Variants in EPHA3 observed in about 807,000 individuals in gnomAD.
The protein encoded by EPHA3 is EPH receptor A3, also known as ephrin type-A receptor 3.
EPHA3 carries 42 observed loss-of-function variants against 107.1 expected under a neutral mutation model. The ratio of observed to expected loss-of-function variants is 0.39; its 90% confidence interval spans 0.31 to 0.51. The LOEUF (loss-of-function observed/expected upper bound fraction) is 0.51, where lower values mean the gene tolerates loss of function less well. Among genes scored for constraint, EPHA3 ranks in the 20% least tolerant of loss-of-function variants. EPHA3 has a pLI of 0.78. For missense variants in EPHA3, 1,183 were observed against 1,211.2 expected (o/e 0.98, Z 0.35); for synonymous variants, 461 against 424.8 (o/e 1.09, Z -1.05).
chr3:89,359,821 AC>A, intron 5 of EPHA3, among the ~76,000 whole-genome samples: 1 of 143,956 alleles, frequency 6.9e-6, no homozygotes, highest in East Asian at 2.0e-4. Context: ...ACATATATAT[AC>A]ATATATATAT....
At chr3:89,162,538 TCTC>T in intron 2 of EPHA3, among the ~76,000 whole-genome samples, 1 of 152,146 alleles carries the variant, frequency 6.6e-6, no homozygotes, top group East Asian at 1.9e-4. Flanking sequence ...CCTCTCTCCT[TCTC>T]CTCAATTGTA....
Position 89,480,087 on chromosome 3 carries a change from C to G in EPHA3, c.*585C>G, listed in dbSNP as rs1710594584. ...CTACACATTTTTAAATTGTTAGCTTCCTTAAGTATATCATGTAAAGAAATG... is the reference window on the plus strand; with the variant it reads ...CTACACATTTTTAAATTGTTAGCTTGCTTAAGTATATCATGTAAAGAAATG... On this transcript the variant is annotated 3_prime_UTR_variant, in exon 17 of 17. Coordinates refer to ENST00000336596, the MANE Select transcript of EPHA3 (RefSeq NM_005233.6). 1.3e-5 allele frequency: 3 copies of G among 232,632 alleles called. No individual in the cohort carries two copies. In the South Asian group the frequency reaches 5.4e-4, roughly 42 times the overall value. 14.4% of individuals were successfully genotyped at this position (232,632 alleles called of 1,614,324 possible).
In EPHA3 at chr3:89,364,436, G is replaced by C. The variant is rs1171448186; in HGVS notation, c.1306+22346G>C. On this transcript the variant is annotated intron_variant, in intron 5 of 16. Transcript: ENST00000336596. ...TTAAATCACTCTACAGATGAATCTG[G>C]TCAACAAGCACTTGGGAAGTTCTTA... Among the ~76,000 whole-genome samples, 4 of 150,970 alleles carry C rather than the reference G, an allele frequency of 2.6e-5. 1 individual carries two copies. The highest frequency in any genetic ancestry group is 4.5e-5 in the Non-Finnish European group (3 of 67,382).
At chr3:89,171,597 T>A (rs971841776) in intron 2 of EPHA3, among the ~76,000 whole-genome samples, 1 of 152,176 alleles carries the variant, frequency 6.6e-6, no homozygotes, top group African/African-American at 2.4e-5. Flanking sequence ...AAACAGCATC[T>A]ATAACTTATT....
At chr3:89,121,388 C>T (rs1423370580) in intron 1 of EPHA3, among the ~76,000 whole-genome samples, 1 of 152,118 alleles carries the variant, frequency 6.6e-6, no homozygotes, top group Non-Finnish European at 1.5e-5. Flanking sequence ...ACACAATTGA[C>T]ACATAATAGT....
At chr3:89,277,674 C>T (rs1705841805) in intron 3 of EPHA3, among the ~76,000 whole-genome samples, 1 of 151,940 alleles carries the variant, frequency 6.6e-6, no homozygotes, top group South Asian at 2.1e-4. Flanking sequence ...AAAAATGATC[C>T]CAGTATATTA....
intron 2 of EPHA3, among the ~76,000 whole-genome samples, chr3:89,170,752 C>A (rs140915145): frequency 1.3e-5 from 2 of 151,884 alleles, no homozygotes; most frequent in African/African-American, 4.8e-5. Flanking sequence ...ATTTTGAGAC[C>A]CTTGAGTGAA....
chr3:89,328,986 C>T (rs1377180189), intron 3 of EPHA3, among the ~76,000 whole-genome samples: 1 of 152,114 alleles, frequency 6.6e-6, no homozygotes, highest in African/African-American at 2.4e-5. Context: ...GTAACAATCT[C>T]AGGGAACTAA....
intron 3 of EPHA3, among the ~76,000 whole-genome samples, chr3:89,260,558 G>A (rs1705388641): frequency 6.6e-6 from 1 of 151,944 alleles, no homozygotes; most frequent in African/African-American, 2.4e-5. Context: ...GAGTTGTAGG[G>A]TTTTTTAATA....
intron 2 of EPHA3, among the ~76,000 whole-genome samples, chr3:89,166,219 A>C (rs1705060652): frequency 1.3e-5 from 2 of 152,050 alleles, no homozygotes; most frequent in Admixed American, 6.6e-5. Context: ...TTCTTCGTTT[A>C]TCTTCTTCTT....
chr3:89,171,900 A>G (rs1437915739), intron 2 of EPHA3, among the ~76,000 whole-genome samples: 2 of 152,148 alleles, frequency 1.3e-5, no homozygotes, highest in Non-Finnish European at 2.9e-5. Context: ...GTCATTGTGT[A>G]AGCCTGACCA....
intron 5 of EPHA3, among the ~76,000 whole-genome samples, chr3:89,380,817 G>T (rs1381989235): frequency 1.3e-5 from 2 of 150,856 alleles, no homozygotes; most frequent in Non-Finnish European, 2.9e-5. Flanking sequence ...TGCCCAAGCT[G>T]GGGGGCAGTG....
At chr3:89,215,708 C>A (rs144921900) in intron 3 of EPHA3, among the ~76,000 whole-genome samples, 1 of 151,776 alleles carries the variant, frequency 6.6e-6, no homozygotes, top group East Asian at 1.9e-4. Context: ...AACATTCTTA[C>A]GCAGGATTAC....
In EPHA3 at chr3:89,399,726, GTTTT is replaced by G. The variant is rs368368368; in HGVS notation, c.1594+255_1594+258del. On this transcript the variant is annotated intron_variant, in intron 7 of 16. Coordinates refer to ENST00000336596, the MANE Select transcript of EPHA3 (RefSeq NM_005233.6). ...ATATTCTAATGCCTGAAATGCTTCT[GTTTT>G]TTTTTTTTAGCCATAAATTGCTTTT... 1.4e-5 allele frequency: 14 copies of G among 987,456 alleles called. No individual in the cohort carries two copies. In the African/African-American group the frequency reaches 2.4e-4, roughly 17 times the overall value. The allele number at this position is 987,456 out of a possible 1,614,324, so 61.2% of individuals were successfully genotyped here.
intron 3 of EPHA3, among the ~76,000 whole-genome samples, chr3:89,278,409 T>C (rs1705861514): frequency 6.6e-6 from 1 of 152,102 alleles, no homozygotes; most frequent in Non-Finnish European, 1.5e-5. Flanking sequence ...ACGATTAGTT[T>C]ACTAACTTCA....
intron 15 of EPHA3, among the ~76,000 whole-genome samples, chr3:89,460,286 G>C (rs968978214): frequency 6.6e-6 from 1 of 151,774 alleles, no homozygotes; most frequent in East Asian, 1.9e-4. Flanking sequence ...TCAAATTCTT[G>C]ACACAAAAAA....
intron 1 of EPHA3, among the ~76,000 whole-genome samples, chr3:89,121,737 C>T (rs1415849698): frequency 1.5e-5 from 2 of 136,272 alleles, no homozygotes; most frequent in Non-Finnish European, 3.1e-5. Flanking sequence ...AGCCTGGCGA[C>T]ACAGGGAGAC....
intron 2 of EPHA3, among the ~76,000 whole-genome samples, chr3:89,198,758 T>C (rs1304234075): frequency 2.0e-5 from 3 of 152,234 alleles, no homozygotes; most frequent in Non-Finnish European, 4.4e-5. Flanking sequence ...ATATTGTAAA[T>C]TGCTATGAAT....
chr3:89,220,204 A>G lies in EPHA3; in HGVS notation c.814+9684A>G, dbSNP rs535495234. 9.2e-5 allele frequency among the ~76,000 whole-genome samples: 14 copies of G among 152,290 alleles called. No homozygotes were observed. In the East Asian group the frequency reaches 1.9e-3, roughly 21 times the overall value. The stretch of plus-strand genomic sequence containing the variant: ...CTAGTTTAATCATTGTCCTTTACAG[A>G]TATGTCTATTAAGGCTAAAGGTTCG... On this transcript the variant is annotated intron_variant, in intron 3 of 16. Coordinates refer to ENST00000336596, the MANE Select transcript of EPHA3 (RefSeq NM_005233.6).
Sources: allele counts gnomAD v4.1 joint callset (sites outside exome capture counted in the v4.1 genomes callset), GRCh38; gene constraint gnomAD v4.1.1; transcripts MANE v1.5; gene names NCBI Gene and HGNC (gene_info 2026-07-23, HGNC 2026-07-21).